TMEM217B: variants seen among roughly 807,000 people sequenced by gnomAD.
TMEM217B encodes the protein transmembrane protein 217B.
the TMEM217B span, among the ~76,000 whole-genome samples, chr6:37,230,735 A>T: frequency 6.6e-6 from 1 of 152,214 alleles, no homozygotes; most frequent in Non-Finnish European, 1.5e-5. Context: ...ATGTAGTTAT[A>T]GAAGCCCTAG....
the TMEM217B span, among the ~76,000 whole-genome samples, chr6:37,219,218 G>A: frequency 8.5e-5 from 13 of 152,304 alleles, 1 homozygote; most frequent in South Asian, 1.0e-3. Context: ...GGGTGGGGAA[G>A]AGAGAGGATT....
chr6:37,226,923 A>G, the TMEM217B span, among the ~76,000 whole-genome samples: 358 of 152,332 alleles, frequency 2.4e-3, 2 homozygotes, highest in African/African-American at 8.1e-3. Flanking sequence ...GTCTTATGAC[A>G]TATTTTATTA....
At chr6:37,240,351 C>G in the TMEM217B span, among the ~76,000 whole-genome samples, 3 of 152,166 alleles carry the variant, frequency 2.0e-5, no homozygotes, top group Non-Finnish European at 4.4e-5. Context: ...CATCCAAGCT[C>G]GCTCTCTCTG....
At chr6:37,237,772 A>G in the TMEM217B span, among the ~76,000 whole-genome samples, 1 of 152,182 alleles carries the variant, frequency 6.6e-6, no homozygotes, top group Admixed American at 6.5e-5. Flanking sequence ...AAAAAGTACT[A>G]AAGACATACA....
At chr6:37,249,282 A>G in the TMEM217B span, among the ~76,000 whole-genome samples, 1 of 152,190 alleles carries the variant, frequency 6.6e-6, no homozygotes, top group East Asian at 1.9e-4. Context: ...ATAGAAAGGA[A>G]GAAATGAATA....
the TMEM217B span, among the ~76,000 whole-genome samples, chr6:37,245,788 C>CT: frequency 3.6e-5 from 4 of 112,138 alleles, no homozygotes; most frequent in Admixed American, 2.2e-4. Flanking sequence ...CTTTTCTTTT[C>CT]TTTCTTTCTT....
chr6:37,249,052 C>G, the TMEM217B span, among the ~76,000 whole-genome samples: 1 of 152,168 alleles, frequency 6.6e-6, no homozygotes, highest in African/African-American at 2.4e-5. Flanking sequence ...TATCTTCTCT[C>G]ATAAAACAAC....
the TMEM217B span, among the ~76,000 whole-genome samples, chr6:37,214,141 C>T: frequency 6.6e-6 from 1 of 152,202 alleles, no homozygotes; most frequent in Non-Finnish European, 1.5e-5. Flanking sequence ...ACCACTTTAG[C>T]CCTTTTTGAA....
chr6:37,232,196 G>T, the TMEM217B span, among the ~76,000 whole-genome samples: 1 of 152,134 alleles, frequency 6.6e-6, no homozygotes, highest in Non-Finnish European at 1.5e-5. Context: ...CCAAAAAATA[G>T]AATTTTCCCA....
chr6:37,217,011 T>C, the TMEM217B span, among the ~76,000 whole-genome samples: 1 of 152,162 alleles, frequency 6.6e-6, no homozygotes, highest in Non-Finnish European at 1.5e-5. Context: ...TCAGTTATTA[T>C]AGCAGCAGTG....
At chr6:37,218,542 A>G in the TMEM217B span, 123 of 1,613,986 alleles carry the variant, frequency 7.6e-5, no homozygotes, top group Non-Finnish European at 1.0e-4. Context: ...TCTTGTAGGA[A>G]ATTATATTGC....
chr6:37,221,108 C>T, the TMEM217B span, among the ~76,000 whole-genome samples: 4 of 152,160 alleles, frequency 2.6e-5, no homozygotes, highest in Non-Finnish European at 4.4e-5. Flanking sequence ...CCCATTTCCC[C>T]CTGCCCCAGC....
chr6:37,231,012 C>A, the TMEM217B span, among the ~76,000 whole-genome samples: 15 of 152,012 alleles, frequency 9.9e-5, no homozygotes, highest in Middle Eastern at 0.01. Context: ...ATTCAAGAAC[C>A]TAGTTAAACC....
chr6:37,243,683 C>T, the TMEM217B span, among the ~76,000 whole-genome samples: 2 of 152,162 alleles, frequency 1.3e-5, no homozygotes, highest in South Asian at 4.1e-4. Flanking sequence ...ACTGCAACCT[C>T]CGCCTCCTGG....
chr6:37,238,926 T>A, the TMEM217B span, among the ~76,000 whole-genome samples: 2 of 150,264 alleles, frequency 1.3e-5, no homozygotes, highest in Non-Finnish European at 1.5e-5. Context: ...AAGTCAGGAG[T>A]TCAAGACCAG....
the TMEM217B span, among the ~76,000 whole-genome samples, chr6:37,243,093 G>C: frequency 6.6e-6 from 1 of 152,032 alleles, no homozygotes; most frequent in East Asian, 1.9e-4. Flanking sequence ...GAACACAGTT[G>C]CCCTGCCCCT....
At chr6:37,224,763 A>G in the TMEM217B span, among the ~76,000 whole-genome samples, 1 of 152,186 alleles carries the variant, frequency 6.6e-6, no homozygotes, top group Admixed American at 6.6e-5. Context: ...TTTTTCTAAA[A>G]TATTTTTCAA....
chr6:37,244,030 T>C, the TMEM217B span, among the ~76,000 whole-genome samples: 1 of 152,240 alleles, frequency 6.6e-6, no homozygotes, highest in South Asian at 2.1e-4. Flanking sequence ...CTGGGGAAGT[T>C]ACAAATTTTG....
At chr6:37,240,895 C>G in the TMEM217B span, among the ~76,000 whole-genome samples, 15 of 152,046 alleles carry the variant, frequency 9.9e-5, no homozygotes, top group Non-Finnish European at 2.1e-4. Flanking sequence ...TTGATTTATT[C>G]TCTTCATTTA....
Sources: allele counts gnomAD v4.1 joint callset (sites outside exome capture counted in the v4.1 genomes callset), GRCh38; gene constraint gnomAD v4.1.1; transcripts MANE v1.5; gene names NCBI Gene and HGNC (gene_info 2026-07-23, HGNC 2026-07-21).